The following KAT6B variants were observed in gnomAD, a reference collection of about 807,000 sequenced individuals.
KAT6B encodes lysine acetyltransferase 6B.
Under a neutral mutation model 187.5 loss-of-function variants are expected in KAT6B, and 10 were observed. That is an observed-to-expected ratio of 0.05 (90% CI 0.03 to 0.09). KAT6B has a LOEUF of 0.09. Ranked by LOEUF, KAT6B falls within the 10% of genes least tolerant of loss-of-function variation. The pLI is 1.00. For synonymous variants in KAT6B, 861 were observed against 926.8 expected, an observed-to-expected ratio of 0.93 and a Z score of 1.29; for missense variants, 1,952 against 2,558.9, an observed-to-expected ratio of 0.76 and a Z score of 5.12.
At chr10:74,978,617 T>G (rs1842311187) in intron 9 of KAT6B, among the ~76,000 whole-genome samples, 1 of 152,252 alleles carries the variant, frequency 6.6e-6, no homozygotes. Flanking sequence ...ATTCTTGTTC[T>G]GTGTCAGGCA....
intron 3 of KAT6B, among the ~76,000 whole-genome samples, chr10:74,866,491 G>A (rs1843560011): frequency 6.6e-6 from 1 of 151,930 alleles, no homozygotes; most frequent in East Asian, 1.9e-4. Flanking sequence ...TTTCTGTAGG[G>A]CTGAAAGTTT....
At chr10:74,842,539 T>C in intron 2 of KAT6B, 61 bp from the exon 3 acceptor site, 1 of 539,160 alleles carries the variant, frequency 1.9e-6, no homozygotes, top group Non-Finnish European at 3.2e-6. Flanking sequence ...CTAAAGAATC[T>C]TTTAGTTTAT....
chr10:74,944,788 G>A (rs926956556), intron 3 of KAT6B, among the ~76,000 whole-genome samples: 5 of 114,976 alleles, frequency 4.3e-5, no homozygotes, highest in South Asian at 3.0e-4. Context: ...CAGCCCGGGC[G>A]ACAGAGCGAG....
chr10:74,900,548 A>G (rs975570441), intron 3 of KAT6B, among the ~76,000 whole-genome samples: 2 of 152,216 alleles, frequency 1.3e-5, no homozygotes, highest in African/African-American at 4.8e-5. Flanking sequence ...GTGTAGGAGC[A>G]GCCTGTTGGA....
At chr10:75,016,440 G>A (rs937814139) in intron 13 of KAT6B, among the ~76,000 whole-genome samples, 2 of 152,210 alleles carry the variant, frequency 1.3e-5, no homozygotes, top group East Asian at 1.9e-4. Context: ...TATACTGAAA[G>A]TCAGATGTCA....
chr10:74,896,111 C>G lies in KAT6B; in HGVS notation c.621+52633C>G, dbSNP rs201364303. Among the ~76,000 whole-genome samples, 5 of 152,164 alleles carry G rather than the reference C, an allele frequency of 3.3e-5. No individual in the cohort carries two copies. The East Asian group carries it at 9.7e-4, about 29-fold the overall frequency. On this transcript the variant is annotated intron_variant, in intron 3 of 17. Coordinates refer to ENST00000287239, the MANE Select transcript of KAT6B (RefSeq NM_012330.4). ...CAGCTGCTTTTCTCTCCTATAGCCT[C>G]TTAGGTACAGCCCAGGTTAGCACAC...
chr10:74,928,595 G>T (rs1200503005), intron 3 of KAT6B, among the ~76,000 whole-genome samples: 4 of 152,132 alleles, frequency 2.6e-5, no homozygotes, highest in Non-Finnish European at 5.9e-5. Context: ...AATCACTGGT[G>T]GGGGGCCTGG....
intron 13 of KAT6B, among the ~76,000 whole-genome samples, chr10:75,019,956 A>C (rs1237153861): frequency 6.6e-6 from 1 of 152,138 alleles, no homozygotes; most frequent in Non-Finnish European, 1.5e-5. Flanking sequence ...TTGTAAATTA[A>C]TTTCTATGAA....
intron 13 of KAT6B, among the ~76,000 whole-genome samples, chr10:74,990,668 A>G (rs1386531394): frequency 1.3e-5 from 2 of 152,240 alleles, no homozygotes; most frequent in African/African-American, 4.8e-5. Flanking sequence ...TACCATTTTT[A>G]TTTTTATAGA....
chr10:75,029,325 G>A lies in KAT6B; in HGVS notation c.4501G>A (p.Glu1501Lys), dbSNP rs1213892811. The change falls in exon 18 of 18, where the codon GAA becomes AAA. Residue 1501 changes from glutamate to lysine, a missense_variant. Glu to Lys is a moderately conservative substitution (Grantham distance 56, BLOSUM62 1). This residue lies in a region of KAT6B where 758 missense variants were observed against 891.4 expected (regional missense o/e 0.85). Transcript: ENST00000287239. The surrounding 1 kb of genome is among the most constrained non-coding windows in gnomAD (Gnocchi z 6.2). ...TGCTGGGGACCCTGAAGCTGTACCCGAATCTGACGAGGAGCCACCCCCAGG... is the reference window on the plus strand; with the variant it reads ...TGCTGGGGACCCTGAAGCTGTACCCAAATCTGACGAGGAGCCACCCCCAGG... The part of the protein sequence containing the change: ...ELAGDPEAVP[E>K]SDEEPPPGEQ... The A allele has an allele frequency of 5.0e-6, 8 of 1,613,912 alleles. No individual in the cohort carries two copies. Among genetic ancestry groups the A allele is most frequent in the East Asian group, 2.2e-5 (1 of 44,892 alleles).
In KAT6B at chr10:74,830,748, A is replaced by ATATATATATG. The variant is rs1554912250; in HGVS notation, c.-329+3972_-329+3973insGTATATATAT. 6.8e-4 allele frequency among the ~76,000 whole-genome samples: 13 copies of ATATATATATG among 19,048 alleles called. 1 individual carries two copies. The South Asian group carries it at 0.023, about 33-fold the overall frequency. The allele number at this position is 19,048 out of a possible 152,430, so 12.5% of individuals were successfully genotyped here. A position where few individuals can be genotyped will look rare whatever the true frequency, so the allele number is the denominator to read the frequency against. On this transcript the variant is annotated intron_variant, in intron 1 of 17. Transcript: ENST00000287239. ...CAGCTCTTCATATATATATATATAT[A>ATATATATATG]TATATATATATATATATATATTTTT...
chr10:74,869,751 C>T (rs1392443839), intron 3 of KAT6B, among the ~76,000 whole-genome samples: 1 of 152,088 alleles, frequency 6.6e-6, no homozygotes, highest in Non-Finnish European at 1.5e-5. Context: ...CTTAAGTTGT[C>T]CCCTCTAAAT....
At chr10:74,939,875 C>T (rs1849539915) in intron 3 of KAT6B, among the ~76,000 whole-genome samples, 1 of 152,168 alleles carries the variant, frequency 6.6e-6, no homozygotes, top group East Asian at 1.9e-4. Flanking sequence ...AGAGTTTATC[C>T]TATAGATGTA....
chr10:74,830,764 A>G (rs1468213181), intron 1 of KAT6B, among the ~76,000 whole-genome samples: 2 of 26,944 alleles, frequency 7.4e-5, no homozygotes, highest in Admixed American at 6.2e-4. Flanking sequence ...ATATATATAT[A>G]TATATTTTTT....
chr10:75,022,124 G>A lies in KAT6B; in HGVS notation c.3265G>A (p.Glu1089Lys), dbSNP rs755620780. The A allele has an allele frequency of 1.2e-6, 2 of 1,606,138 alleles. No homozygotes were observed. The highest frequency in any genetic ancestry group is 2.2e-5 in the South Asian group (2 of 90,488). Residue 1089 changes from glutamate to lysine, a missense_variant, in exon 16 of 18, where the codon GAG becomes AAG. Around this residue, in one of 9 missense-constraint regions of KAT6B, gnomAD observed 758 missense variants for 891.4 expected, o/e 0.85. Coordinates refer to ENST00000287239, the MANE Select transcript of KAT6B (RefSeq NM_012330.4). The part of the protein sequence containing the change: ...EEEEEEEEEE[E>K]DEEEEEEEEE... ...GGAAGAAGAGGAGGAAGAAGAGGAA[G>A]AGGATGAAGAGGAGGAAGAAGAGGA...
At chr10:74,937,411 C>G (rs1177057346) in intron 3 of KAT6B, among the ~76,000 whole-genome samples, 1 of 152,208 alleles carries the variant, frequency 6.6e-6, no homozygotes, top group East Asian at 1.9e-4. Flanking sequence ...GCTAGACTGT[C>G]TGCACTGTAT....
At chr10:74,966,122 A>G (rs940761530) in intron 4 of KAT6B, among the ~76,000 whole-genome samples, 1 of 152,154 alleles carries the variant, frequency 6.6e-6, no homozygotes, top group Non-Finnish European at 1.5e-5. Context: ...GCCAGGTTCT[A>G]CAGGCCACCC....
rs1842068121 is a variant in KAT6B, at chr10:74,975,069, C to A, written c.1062-330C>A. On this transcript the variant is annotated intron_variant, in intron 7 of 17. Coordinates refer to ENST00000287239, the MANE Select transcript of KAT6B (RefSeq NM_012330.4). ...TTCAGGAAATCATAACTACTTGTGA[C>A]AACACCAAAGGATAGCTTGTTTTTA... 2.6e-5 allele frequency among the ~76,000 whole-genome samples: 4 copies of A among 152,326 alleles called. No individual in the cohort carries two copies. In the South Asian group the frequency reaches 8.3e-4, roughly 32 times the overall value.
intron 3 of KAT6B, among the ~76,000 whole-genome samples, chr10:74,901,292 T>C (rs1215217436): frequency 2.0e-5 from 3 of 152,244 alleles, no homozygotes; most frequent in Non-Finnish European, 4.4e-5. Flanking sequence ...AATGTGTCTA[T>C]GTCTAACTGA....
Sources: gnomAD v4.1 joint callset for allele counts (sites outside exome capture counted in the v4.1 genomes callset) on GRCh38, gnomAD v4.1.1 for gene constraint, gnomAD v4.1.1 regional missense constraint, Gnocchi (gnomAD v3.1) non-coding constraint, MANE v1.5 for transcripts, NCBI Gene and HGNC (gene_info 2026-07-23, HGNC 2026-07-21) for gene names.